The following THRB variants were observed in gnomAD, a reference collection of about 807,000 sequenced individuals.
THRB encodes thyroid hormone receptor beta, also known as nuclear receptor subfamily 1 group A member 2.
Under a neutral mutation model 47.8 loss-of-function variants are expected in THRB, and 12 were observed. The ratio of observed to expected loss-of-function variants is 0.25; its 90% confidence interval spans 0.16 to 0.41. THRB has a LOEUF of 0.41. THRB is among the 10% of genes least tolerant of loss of function. THRB has a pLI of 1.00. For synonymous variants in THRB, 218 were observed against 212.2 expected (o/e 1.03, Z -0.24); for missense variants, 348 against 589.2 (o/e 0.59, Z 4.24).
At chr3:24,327,480 G>T (rs997657916) in intron 2 of THRB, among the ~76,000 whole-genome samples, 1 of 152,062 alleles carries the variant, frequency 6.6e-6, no homozygotes, top group Non-Finnish European at 1.5e-5. Flanking sequence ...GAAACCCTAG[G>T]ACAATAAATG....
intron 1 of THRB, among the ~76,000 whole-genome samples, chr3:24,381,297 C>G (rs1484623571): frequency 6.6e-6 from 1 of 152,118 alleles, no homozygotes; most frequent in Non-Finnish European, 1.5e-5. Flanking sequence ...AAGACCAACA[C>G]TAACTTCTAG....
chr3:24,399,961 C>T (rs748280990), intron 1 of THRB, among the ~76,000 whole-genome samples: 1 of 152,220 alleles, frequency 6.6e-6, no homozygotes, highest in South Asian at 2.1e-4. Context: ...AACTCTTCTG[C>T]TCAAAGAATA....
chr3:24,127,665 C>T lies in THRB; in HGVS notation c.978G>A (p.Glu326=). ...CCATTTCCCCATTCAAGGTTAAAGT[C>T]TCACTTTCTGGGTCATAGCGCACAG... ...RAAVRYDPES[E]TLTLNGEMAV... Residue 326 remains glutamate, a synonymous_variant, in exon 10 of 11, where the codon GAG becomes GAA. Coordinates refer to ENST00000646209, the MANE Select transcript of THRB (RefSeq NM_001354712.2). 1 of 1,614,200 alleles carries T rather than the reference C, an allele frequency of 6.2e-7. No individual in the cohort carries two copies. Among genetic ancestry groups the T allele is most frequent in the Non-Finnish European group, 8.5e-7 (1 of 1,180,040 alleles).
chr3:24,229,003 T>G lies in THRB; in HGVS notation c.-42-2A>C. 3 of 1,534,042 alleles carry G rather than the reference T, an allele frequency of 2.0e-6. No individual in the cohort carries two copies. Among genetic ancestry groups the G allele is most frequent in the Non-Finnish European group, 2.7e-6 (3 of 1,123,822 alleles). Reference sequence around the variant, plus strand: ...GATCCCTTTTTTCACTGACATCTCCTACAAGGAAAAAATACAAAAAAAATC... The same window carrying G: ...GATCCCTTTTTTCACTGACATCTCCGACAAGGAAAAAATACAAAAAAAATC... On this transcript the variant is annotated splice_acceptor_variant, in intron 3 of 10. Coordinates refer to ENST00000646209, the MANE Select transcript of THRB (RefSeq NM_001354712.2). LOFTEE classifies it low-confidence loss of function (5UTR_SPLICE).
chr3:24,388,952 T>C (rs534966421), intron 1 of THRB, among the ~76,000 whole-genome samples: 1 of 152,308 alleles, frequency 6.6e-6, no homozygotes, highest in Admixed American at 6.5e-5. Context: ...GCAGCTGTTC[T>C]AATCATGCTT....
intron 3 of THRB, among the ~76,000 whole-genome samples, chr3:24,273,868 C>T (rs1418441909): frequency 2.7e-5 from 4 of 149,576 alleles, no homozygotes; most frequent in African/African-American, 7.3e-5. Context: ...GAACTATGGG[C>T]CTGTATGTAT....
At chr3:24,183,157 T>A (rs1344872976) in intron 5 of THRB, among the ~76,000 whole-genome samples, 2 of 152,190 alleles carry the variant, frequency 1.3e-5, no homozygotes, top group South Asian at 2.1e-4. Flanking sequence ...TTGTTTGGCG[T>A]CCCTTCATTT....
At chr3:24,461,682 G>C (rs938443219) in intron 1 of THRB, among the ~76,000 whole-genome samples, 2 of 151,858 alleles carry the variant, frequency 1.3e-5, no homozygotes, top group African/African-American at 4.8e-5. Flanking sequence ...AATAATTGAG[G>C]GTTTTAAATA....
intron 6 of THRB, among the ~76,000 whole-genome samples, chr3:24,150,217 C>G (rs1008535738): frequency 6.6e-6 from 1 of 152,172 alleles, no homozygotes; most frequent in African/African-American, 2.4e-5. Context: ...AAAAAGGATT[C>G]TCTCCATACA....
At chr3:24,139,190 A>G (rs2035098885) in intron 8 of THRB, among the ~76,000 whole-genome samples, 1 of 152,194 alleles carries the variant, frequency 6.6e-6, no homozygotes, top group Admixed American at 6.5e-5. Flanking sequence ...AGAAAACTAG[A>G]AAATTATATG....
chr3:24,129,898 T>C (rs905710217), intron 9 of THRB, among the ~76,000 whole-genome samples: 1 of 152,194 alleles, frequency 6.6e-6, no homozygotes, highest in Non-Finnish European at 1.5e-5. Context: ...CCAGTCTTGT[T>C]TGGTGGGTTG....
intron 5 of THRB, among the ~76,000 whole-genome samples, chr3:24,158,491 C>T (rs550307755): frequency 4.0e-5 from 6 of 151,418 alleles, no homozygotes; most frequent in South Asian, 4.2e-4. Context: ...TGCAATGGCA[C>T]GATCTCGGCT....
intron 2 of THRB, among the ~76,000 whole-genome samples, chr3:24,306,588 AT>A (rs149849630): frequency 0.011 from 1,701 of 152,316 alleles, 32 homozygotes; most frequent in African/African-American, 0.039. Flanking sequence ...TGGTGGCTGC[AT>A]CACAAAATTT....
At chr3:24,160,065 G>A (rs1180706426) in intron 5 of THRB, among the ~76,000 whole-genome samples, 2 of 152,200 alleles carry the variant, frequency 1.3e-5, no homozygotes, top group Non-Finnish European at 2.9e-5. Flanking sequence ...CTGGTGGGCT[G>A]TGAGCTGAGT....
chr3:24,204,285 G>T (rs1309224870), intron 4 of THRB, among the ~76,000 whole-genome samples: 7 of 152,218 alleles, frequency 4.6e-5, no homozygotes, highest in African/African-American at 1.4e-4. Flanking sequence ...CACATGGCTG[G>T]GTAACCCTCT....
chr3:24,465,174 A>T (rs2074034536), intron 1 of THRB, among the ~76,000 whole-genome samples: 1 of 152,062 alleles, frequency 6.6e-6, no homozygotes, highest in Non-Finnish European at 1.5e-5. Flanking sequence ...TTTTTAATTC[A>T]TCCTTAGTTT....
chr3:24,398,713 C>T (rs2067164107), intron 1 of THRB, among the ~76,000 whole-genome samples: 1 of 152,120 alleles, frequency 6.6e-6, no homozygotes, highest in African/African-American at 2.4e-5. Context: ...TTTGACCCAG[C>T]CATCCCATTA....
chr3:24,253,451 C>G (rs971729926), intron 3 of THRB, among the ~76,000 whole-genome samples: 2 of 152,160 alleles, frequency 1.3e-5, no homozygotes, highest in African/African-American at 4.8e-5. Context: ...GGAGATGACA[C>G]AGGCAATTAA....
intron 5 of THRB, among the ~76,000 whole-genome samples, chr3:24,163,610 T>C (rs1228821385): frequency 2.0e-5 from 3 of 152,206 alleles, no homozygotes; most frequent in Non-Finnish European, 4.4e-5. Flanking sequence ...GTTAAATTAC[T>C]TATACTATTA....
Sources: gnomAD v4.1 joint callset for allele counts (sites outside exome capture counted in the v4.1 genomes callset) on GRCh38, gnomAD v4.1.1 for gene constraint, MANE v1.5 for transcripts, NCBI Gene and HGNC (gene_info 2026-07-23, HGNC 2026-07-21) for gene names.